Variants in CRHR2 observed in about 807,000 individuals in gnomAD.
CRHR2 encodes corticotropin-releasing hormone receptor 2.
In CRHR2, 53 loss-of-function variants were observed where a neutral mutation model predicts 57.9. The observed-to-expected ratio is 0.92, with a 90% confidence interval of 0.73 to 1.15. The LOEUF is 1.15. Ranked by LOEUF, CRHR2 falls within the 50% of genes most tolerant of loss-of-function variation. The pLI is 0.00. For missense variants in CRHR2, 532 were observed against 542.6 expected, an observed-to-expected ratio of 0.98 and a Z score of 0.19; for synonymous variants, 213 against 220.9, an observed-to-expected ratio of 0.96 and a Z score of 0.32.
At position 30,653,347 on chromosome 7, in the gene CRHR2, A is replaced by T. The variant is rs1050143476; in HGVS notation, c.*113T>A. On this transcript the variant is annotated 3_prime_UTR_variant, in exon 12 of 12. Transcript: ENST00000471646. The surrounding 1 kb of genome is among the most constrained non-coding windows in gnomAD (Gnocchi z 5.0). ...CCCCCTCTTTCCTGCCAGGCTGGAG[A>T]GCTGGTCTCTCCCCTCCCATCTCCT... 1 of 1,433,672 alleles carries T rather than the reference A, an allele frequency of 7.0e-7. No homozygotes were observed. The highest frequency in any genetic ancestry group is 1.4e-5 in the African/African-American group (1 of 70,048). 88.8% of individuals were successfully genotyped at this position (1,433,672 alleles called of 1,614,324 possible).
At chr7:30,674,792 A>C (rs1237610118) in intron 2 of CRHR2, among the ~76,000 whole-genome samples, 1 of 152,020 alleles carries the variant, frequency 6.6e-6, no homozygotes, top group Non-Finnish European at 1.5e-5. Context: ...ACCACCCCAG[A>C]ATGAGGATAG....
At chr7:30,678,481 C>G (rs1452982294) in intron 2 of CRHR2, among the ~76,000 whole-genome samples, 1 of 152,198 alleles carries the variant, frequency 6.6e-6, no homozygotes, top group East Asian at 1.9e-4. Flanking sequence ...ACATGTGTGG[C>G]CATGCGCTAG....
chr7:30,654,253 A>G (rs957131128), intron 11 of CRHR2, among the ~76,000 whole-genome samples: 2 of 152,212 alleles, frequency 1.3e-5, no homozygotes, highest in Admixed American at 1.3e-4. Context: ...TTCGAACAGA[A>G]TAAATGCTCC....
At chr7:30,660,776 C>T in intron 7 of CRHR2, 131 bp from the exon 8 acceptor site, 2 of 863,428 alleles carry the variant, frequency 2.3e-6, no homozygotes, top group Non-Finnish European at 3.6e-6. Flanking sequence ...TCCCAGAAAG[C>T]CTTGGTGGAA....
rs117973312 is a variant in CRHR2 at position 30,692,991 on chromosome 7, G to A, written c.-260-3707C>T. On this transcript the variant is annotated intron_variant, in intron 1 of 13. Transcript: ENST00000341843. The stretch of plus-strand genomic sequence containing the variant: ...GGTCACGGATGCTGAGAGGGCCCCA[G>A]CCCCAGACTGGGTGGCTGTGGGGCT... Among the ~76,000 whole-genome samples, 4 of 152,254 alleles carry A rather than the reference G, an allele frequency of 2.6e-5. No homozygotes were observed. The East Asian group carries it at 7.7e-4, about 29-fold the overall frequency.
intron 1 of CRHR2, among the ~76,000 whole-genome samples, chr7:30,693,639 C>T (rs255108): frequency 0.46 from 70,299 of 152,144 alleles, 18,712 homozygotes; most frequent in Non-Finnish European, 0.61. Context: ...CATGGGAACT[C>T]TTGATTTATA....
At chr7:30,657,774 A>T (rs914032624) in intron 8 of CRHR2, among the ~76,000 whole-genome samples, 2 of 152,030 alleles carry the variant, frequency 1.3e-5, no homozygotes, top group African/African-American at 4.8e-5. Context: ...CCGTCCATCC[A>T]TCCATCCATC....
intron 8 of CRHR2, among the ~76,000 whole-genome samples, chr7:30,657,363 C>A (rs751069661): frequency 1.7e-4 from 26 of 152,146 alleles, no homozygotes; most frequent in Non-Finnish European, 3.5e-4. Context: ...CTGGGGGTCC[C>A]AGGGAGGGCT....
Position 30,654,782 on chromosome 7 carries a change from G to A in CRHR2, c.1095+257C>T, listed in dbSNP as rs1162885107. ...GCTTCTCTCTTCCATGAGGCCCTGC[G>A]GCCTGGGCTTCCTTGCTCACCCAGC... On this transcript the variant is annotated intron_variant, in intron 11 of 11. Transcript: ENST00000471646. The A allele has an allele frequency of 7.2e-6, 11 of 1,536,994 alleles. No individual in the cohort carries two copies. The East Asian group carries it at 7.3e-5, about 10-fold the overall frequency.
chr7:30,670,644 G>A (rs1784327212), intron 2 of CRHR2, among the ~76,000 whole-genome samples: 1 of 152,244 alleles, frequency 6.6e-6, no homozygotes, highest in South Asian at 2.1e-4. Flanking sequence ...GCCAATGAGG[G>A]CACTGGGCCC....
Position 30,665,697 on chromosome 7 carries a change from G to A in CRHR2, c.316-58C>T, listed in dbSNP as rs1784165243. The A allele has an allele frequency of 1.4e-6, 2 of 1,432,386 alleles. No homozygotes were observed. Among genetic ancestry groups the A allele is most frequent in the African/African-American group, 2.8e-5 (2 of 70,646 alleles). The allele number at this position is 1,432,386 out of a possible 1,614,324, so 88.7% of individuals were successfully genotyped here. A position where few individuals can be genotyped will look rare whatever the true frequency, so the allele number is the denominator to read the frequency against. On this transcript the variant is annotated intron_variant, in intron 3 of 11. Coordinates refer to ENST00000471646, the MANE Select transcript of CRHR2 (RefSeq NM_001883.5). This position sits in a 1 kb window ranked among gnomAD's most constrained non-coding sequence, Gnocchi z 4.5. ...GGCATGGGCACGTGGGGGTGGGGCT[G>A]GGTATTCCAGCCGTGGCCACCTCTG...
At chr7:30,671,630 T>A in intron 2 of CRHR2, among the ~76,000 whole-genome samples, 1 of 72,216 alleles carries the variant, frequency 1.4e-5, no homozygotes. Flanking sequence ...TGAAACCCCA[T>A]CTCTCAAAAA....
chr7:30,689,455 G>A (rs906351327), intron 1 of CRHR2, among the ~76,000 whole-genome samples: 7 of 152,212 alleles, frequency 4.6e-5, no homozygotes, highest in African/African-American at 7.2e-5. Context: ...TCTGGCCTGG[G>A]CTGGACCGAA....
chr7:30,668,114 T>G (rs1169464672), intron 2 of CRHR2, among the ~76,000 whole-genome samples: 14 of 152,242 alleles, frequency 9.2e-5, no homozygotes, highest in African/African-American at 3.4e-4. Context: ...GAACATGATT[T>G]AAGTGTGAAA....
chr7:30,659,957 A>T (rs1186831532), intron 8 of CRHR2, among the ~76,000 whole-genome samples: 1 of 151,938 alleles, frequency 6.6e-6, no homozygotes, highest in Non-Finnish European at 1.5e-5. Context: ...TCTTTTTTTT[A>T]AAGGTATGAT....
chr7:30,675,079 C>T (rs757219012), intron 2 of CRHR2, among the ~76,000 whole-genome samples: 1 of 152,228 alleles, frequency 6.6e-6, no homozygotes, highest in Non-Finnish European at 1.5e-5. Context: ...TCCAGCCCTG[C>T]TAAATCTGAG....
intron 6 of CRHR2, 36 bp downstream of exon 6, chr7:30,662,658 C>T (rs1784051379): frequency 1.2e-6 from 2 of 1,600,384 alleles, no homozygotes; most frequent in African/African-American, 1.3e-5. Flanking sequence ...AGAAGTCCTC[C>T]CCCCAACTAG....
intron 2 of CRHR2, among the ~76,000 whole-genome samples, chr7:30,676,726 A>G (rs1364394783): frequency 1.3e-5 from 2 of 152,232 alleles, no homozygotes; most frequent in South Asian, 4.1e-4. Flanking sequence ...TGAAGAAGGG[A>G]TTCCTGCATA....
At chr7:30,686,367 G>C, upstream of CRHR2, 1 of 1,519,726 alleles carries the variant, frequency 6.6e-7, no homozygotes, top group Non-Finnish European at 8.8e-7. Context: ...AGCCCAGTGA[G>C]TCACTAAGAA....
Sources: gnomAD v4.1 joint callset for allele counts (sites outside exome capture counted in the v4.1 genomes callset) on GRCh38, gnomAD v4.1.1 for gene constraint, Gnocchi (gnomAD v3.1) non-coding constraint, MANE v1.5 for transcripts, NCBI Gene and HGNC (gene_info 2026-07-23, HGNC 2026-07-21) for gene names.